AUTS2: variants seen among roughly 807,000 people sequenced by gnomAD.
AUTS2 encodes activator of transcription and developmental regulator AUTS2, also known as autism susceptibility gene 2 protein.
In AUTS2, 17 loss-of-function variants were observed where a neutral mutation model predicts 112.4. That is an observed-to-expected ratio of 0.15 (90% CI 0.10 to 0.23). The LOEUF (loss-of-function observed/expected upper bound fraction) is 0.23, where lower values mean the gene tolerates loss of function less well. Ranked by LOEUF, AUTS2 falls within the 10% of genes least tolerant of loss-of-function variation. The pLI, the probability that AUTS2 is intolerant of heterozygous loss-of-function variation, is 1.00. For synonymous variants in AUTS2, 751 were observed against 702.7 expected (o/e 1.07, Z -1.09); for missense variants, 1,510 against 1,701.6 (o/e 0.89, Z 1.98).
chr7:70,362,405 T>G (rs1792310950), intron 4 of AUTS2, among the ~76,000 whole-genome samples: 1 of 152,120 alleles, frequency 6.6e-6, no homozygotes, highest in Non-Finnish European at 1.5e-5. Flanking sequence ...AACCACACAA[T>G]ACATTGAGAT....
intron 1 of AUTS2, among the ~76,000 whole-genome samples, chr7:69,894,995 A>G (rs772366476): frequency 6.6e-6 from 1 of 152,058 alleles, no homozygotes; most frequent in Non-Finnish European, 1.5e-5. Context: ...AAGTTTTTTT[A>G]TATACCAGAT....
chr7:70,096,781 A>C (rs1804230596), intron 2 of AUTS2, among the ~76,000 whole-genome samples: 1 of 152,160 alleles, frequency 6.6e-6, no homozygotes, highest in Non-Finnish European at 1.5e-5. Flanking sequence ...TGCTGAGTTC[A>C]AGTACGATAT....
chr7:70,172,713 TAG>T (rs752965035), intron 4 of AUTS2, among the ~76,000 whole-genome samples: 4 of 152,246 alleles, frequency 2.6e-5, no homozygotes, highest in Non-Finnish European at 4.4e-5. Flanking sequence ...GCATCCTTAT[TAG>T]ACAGTGCTAT....
intron 1 of AUTS2, among the ~76,000 whole-genome samples, chr7:69,710,615 G>C (rs945776988): frequency 1.3e-5 from 2 of 152,188 alleles, no homozygotes; most frequent in Non-Finnish European, 2.9e-5. Context: ...GTCCTACTTG[G>C]TATACAGGAG....
chr7:69,859,479 G>C (rs1350695039), intron 1 of AUTS2, among the ~76,000 whole-genome samples: 1 of 152,144 alleles, frequency 6.6e-6, no homozygotes, highest in South Asian at 2.1e-4. Context: ...TGTTAGTAAC[G>C]GGCAGAAGTC....
intron 1 of AUTS2, among the ~76,000 whole-genome samples, chr7:69,721,711 G>C (rs1191738361): frequency 6.6e-6 from 1 of 152,230 alleles, no homozygotes. Context: ...AAATAAGCTA[G>C]AGATGGTCAT....
At chr7:69,760,197 CTTTTT>C (rs375758180) in intron 1 of AUTS2, among the ~76,000 whole-genome samples, 1 of 121,068 alleles carries the variant, frequency 8.3e-6, no homozygotes, top group Non-Finnish European at 1.8e-5. Flanking sequence ...TTCTTTTTTT[CTTTTT>C]TTTTTTTTTT....
intron 4 of AUTS2, among the ~76,000 whole-genome samples, chr7:70,213,887 T>G (rs1279758179): frequency 6.6e-6 from 1 of 152,186 alleles, no homozygotes; most frequent in East Asian, 1.9e-4. Context: ...TTATTGTAAT[T>G]GTCGTACATA....
intron 1 of AUTS2, among the ~76,000 whole-genome samples, chr7:69,665,752 A>T (rs1339915756): frequency 6.6e-6 from 1 of 152,206 alleles, no homozygotes; most frequent in Non-Finnish European, 1.5e-5. Flanking sequence ...TAATCAGAGT[A>T]TAATAATAAA....
intron 4 of AUTS2, among the ~76,000 whole-genome samples, chr7:70,427,084 A>G (rs992309606): frequency 6.6e-6 from 1 of 151,826 alleles, no homozygotes; most frequent in African/African-American, 2.4e-5. Context: ...GAATTCTGCC[A>G]AAGCACACAG....
At chr7:70,755,554 C>G (rs896980689) in intron 6 of AUTS2, among the ~76,000 whole-genome samples, 1 of 151,966 alleles carries the variant, frequency 6.6e-6, no homozygotes, top group Non-Finnish European at 1.5e-5. Flanking sequence ...GTAATCCCAG[C>G]TACTCGGAAG....
intron 1 of AUTS2, among the ~76,000 whole-genome samples, chr7:69,878,643 G>C (rs180857056): frequency 6.6e-6 from 1 of 152,308 alleles, no homozygotes; most frequent in African/African-American, 2.4e-5. Flanking sequence ...CGGAGAGGCA[G>C]AATTTCTTTC....
chr7:70,438,727 C>G (rs1361917408), intron 5 of AUTS2, among the ~76,000 whole-genome samples: 1 of 152,180 alleles, frequency 6.6e-6, no homozygotes, highest in Admixed American at 6.5e-5. Context: ...GCCTGTGCCC[C>G]CCTCGAAGCC....
intron 2 of AUTS2, among the ~76,000 whole-genome samples, chr7:69,954,632 A>G (rs915467506): frequency 6.6e-6 from 1 of 152,240 alleles, no homozygotes; most frequent in Non-Finnish European, 1.5e-5. Context: ...TGCTGGCCAA[A>G]TAAAACAGAA....
chr7:70,779,494 G>C (rs1382642953), intron 14 of AUTS2, among the ~76,000 whole-genome samples: 5 of 152,172 alleles, frequency 3.3e-5, no homozygotes, highest in African/African-American at 1.2e-4. Flanking sequence ...TTTCCAGCTG[G>C]AGGTGCACGG....
chr7:69,681,783 T>C (rs1227742693), intron 1 of AUTS2, among the ~76,000 whole-genome samples: 1 of 152,228 alleles, frequency 6.6e-6, no homozygotes, highest in Admixed American at 6.5e-5. Flanking sequence ...TTTGATAGAC[T>C]GGATTTCTTT....
At chr7:70,684,560 G>A (rs540942992) in intron 5 of AUTS2, among the ~76,000 whole-genome samples, 2 of 151,110 alleles carry the variant, frequency 1.3e-5, no homozygotes, top group Non-Finnish European at 3.0e-5. Context: ...GTGGCGTGGC[G>A]TGTTGTGGCG....
chr7:70,691,874 A>ATT (rs34314079), intron 5 of AUTS2, among the ~76,000 whole-genome samples: 66,772 of 131,742 alleles, frequency 0.51, 17,356 homozygotes, highest in South Asian at 0.64. Context: ...ATTGATGACA[A>ATT]TTTTTTTTTT....
intron 4 of AUTS2, among the ~76,000 whole-genome samples, chr7:70,217,111 G>T (rs1258544698): frequency 6.6e-6 from 1 of 152,006 alleles, no homozygotes; most frequent in Non-Finnish European, 1.5e-5. Flanking sequence ...TACTTGCCAA[G>T]TTTCAGCTTT....
Sources: allele counts gnomAD v4.1 joint callset (sites outside exome capture counted in the v4.1 genomes callset), GRCh38; gene constraint gnomAD v4.1.1; transcripts MANE v1.5; gene names NCBI Gene and HGNC (gene_info 2026-07-23, HGNC 2026-07-21).